Variants in TEX101 observed in about 807,000 individuals in gnomAD.
TEX101 encodes testis-expressed protein 101.
In TEX101, 10 loss-of-function variants were observed where a neutral mutation model predicts 18.1. The ratio of observed to expected loss-of-function variants is 0.55; its 90% CI spans 0.34 to 0.94. The LOEUF (loss-of-function observed/expected upper bound fraction) is 0.94, where lower values mean the gene tolerates loss of function less well. Among genes scored for constraint, TEX101 ranks in the 40% least tolerant of loss-of-function variants. The pLI is 0.02. For missense variants in TEX101, 259 were observed against 298.9 expected (o/e 0.87, Z 0.98); for synonymous variants, 94 against 114.8 (o/e 0.82, Z 1.16).
At chr19:43,390,001 A>G in the TEX101 span, among the ~76,000 whole-genome samples, 1 of 152,122 alleles carries the variant, frequency 6.6e-6, no homozygotes, top group Admixed American at 6.6e-5. Context: ...TCCTCCGGCC[A>G]TGGCCCTCTC....
chr19:43,407,486 A>G (rs1400427132), intron 3 of TEX101, among the ~76,000 whole-genome samples: 1 of 148,642 alleles, frequency 6.7e-6, no homozygotes, highest in Admixed American at 6.7e-5. Flanking sequence ...ACTTCGTCAA[A>G]AAAAAAAAAA....
chr19:43,408,827 G>A (rs1970394190), intron 3 of TEX101, among the ~76,000 whole-genome samples: 1 of 152,142 alleles, frequency 6.6e-6, no homozygotes, highest in South Asian at 2.1e-4. Context: ...ATCATCCTGG[G>A]ATCCCTAAGG....
chr19:43,409,237 CAGTT>C (rs1172063869), intron 3 of TEX101, among the ~76,000 whole-genome samples: 1 of 152,210 alleles, frequency 6.6e-6, no homozygotes. Flanking sequence ...GGACTGCTAA[CAGTT>C]GGGTGCTTGC....
chr19:43,413,499 A>G (rs1361084473), upstream of TEX101, among the ~76,000 whole-genome samples: 2 of 139,434 alleles, frequency 1.4e-5, no homozygotes, highest in African/African-American at 5.9e-5. Context: ...GAGACTCCAA[A>G]AAAAAAAAAA....
At chr19:43,411,212 G>C (rs1970416249), upstream of TEX101, among the ~76,000 whole-genome samples, 1 of 152,134 alleles carries the variant, frequency 6.6e-6, no homozygotes, top group African/African-American at 2.4e-5. Context: ...GAGTAGCTGG[G>C]ATTACAGGGG....
chr19:43,399,544 G>A (rs912500994), upstream of TEX101, among the ~76,000 whole-genome samples: 4 of 152,106 alleles, frequency 2.6e-5, no homozygotes, highest in African/African-American at 7.2e-5. Context: ...TTCCTCACTC[G>A]TGATTTGGTT....
chr19:43,394,676 T>A, the TEX101 span, among the ~76,000 whole-genome samples: 1 of 152,162 alleles, frequency 6.6e-6, no homozygotes, highest in Non-Finnish European at 1.5e-5. Flanking sequence ...TTCACCGTGT[T>A]AGCCAGGATG....
At chr19:43,410,532 G>A (rs2122334903), upstream of TEX101, among the ~76,000 whole-genome samples, 1 of 151,836 alleles carries the variant, frequency 6.6e-6, no homozygotes, top group African/African-American at 2.4e-5. Context: ...GAATACGGAG[G>A]GCCTGAGGTA....
chr19:43,410,011 T>C (rs1026578855), upstream of TEX101, among the ~76,000 whole-genome samples: 4 of 152,082 alleles, frequency 2.6e-5, no homozygotes, highest in African/African-American at 4.8e-5. Flanking sequence ...TACTCCAGCC[T>C]GGACAAGATT....
At chr19:43,407,236 C>A (rs536378675) in intron 3 of TEX101, among the ~76,000 whole-genome samples, 81 of 152,244 alleles carry the variant, frequency 5.3e-4, no homozygotes, top group Non-Finnish European at 9.4e-4. Flanking sequence ...ATAATCCCAG[C>A]ACTTTGGTAG....
chr19:43,391,783 C>T, the TEX101 span, among the ~76,000 whole-genome samples: 3 of 152,176 alleles, frequency 2.0e-5, no homozygotes, highest in African/African-American at 4.8e-5. Context: ...CCAACACTGC[C>T]GTGACTAGTC....
chr19:43,404,028 G>C, intron 2 of TEX101, among the ~76,000 whole-genome samples: 1 of 142,302 alleles, frequency 7.0e-6, no homozygotes, highest in East Asian at 2.2e-4. Flanking sequence ...AACAGAGTGA[G>C]ACTCTGGCTC....
chr19:43,395,678 A>G, the TEX101 span, among the ~76,000 whole-genome samples: 1 of 152,216 alleles, frequency 6.6e-6, no homozygotes, highest in African/African-American at 2.4e-5. Context: ...CTCTGAACTC[A>G]GGTAGGCTGA....
chr19:43,415,212 G>A (rs973011716), intron 1 of TEX101, among the ~76,000 whole-genome samples, 174 bp downstream of exon 1: 1 of 148,548 alleles, frequency 6.7e-6, no homozygotes, highest in Non-Finnish European at 1.5e-5. Context: ...CAGAATCCCG[G>A]GTTCTGATGA....
Position 43,416,568 on chromosome 19 carries a change from T to C in TEX101, c.391+13T>C, listed in dbSNP as rs777875046. ...AGTGAGACCACAGGTACCCTGGAAG[T>C]GGGGGAGATAGGTACTAAGAGAAAC... is the stretch of plus-strand genomic sequence containing the variant. On this transcript the variant is annotated intron_variant, in intron 4 of 5. Transcript: ENST00000598265. 4.3e-6 allele frequency: 7 copies of C among 1,609,520 alleles called. No individual in the cohort carries two copies. The highest frequency in any genetic ancestry group is 5.9e-6 in the Non-Finnish European group (7 of 1,177,282).
At chr19:43,406,123 T>G in intron 2 of TEX101, 2 of 164,458 alleles carry the variant, frequency 1.2e-5, no homozygotes, top group Non-Finnish European at 2.4e-5. Flanking sequence ...GGCTCACGCC[T>G]GTAATCCTAG....
upstream of TEX101, among the ~76,000 whole-genome samples, chr19:43,399,887 G>A (rs1970305099): frequency 6.7e-6 from 1 of 149,968 alleles, no homozygotes; most frequent in Non-Finnish European, 1.5e-5. Flanking sequence ...ATGATCTCAG[G>A]TCACACAACC....
intron 1 of TEX101, 36 bp downstream of exon 1, chr19:43,415,074 AG>A: frequency 2.0e-6 from 2 of 985,138 alleles, no homozygotes; most frequent in Non-Finnish European, 2.4e-6. Flanking sequence ...CCTGGCTCTG[AG>A]GGGAACGAGG....
At chr19:43,412,301 TAAAC>T (rs1156288554), upstream of TEX101, among the ~76,000 whole-genome samples, 4 of 151,960 alleles carry the variant, frequency 2.6e-5, no homozygotes, top group African/African-American at 7.3e-5. Flanking sequence ...GCCACACACT[TAAAC>T]AACCAGATCT....
Sources: gnomAD v4.1 joint callset for allele counts (sites outside exome capture counted in the v4.1 genomes callset) on GRCh38, gnomAD v4.1.1 for gene constraint, MANE v1.5 for transcripts, NCBI Gene and HGNC (gene_info 2026-07-23, HGNC 2026-07-21) for gene names.